The following PCDHA12 variants were observed in gnomAD, a reference collection of about 807,000 sequenced individuals.
PCDHA12 encodes protocadherin alpha 12.
A neutral mutation model predicts 60.0 loss-of-function variants in PCDHA12; 44 were observed. The observed-to-expected ratio is 0.73, with a 90% CI of 0.58 to 0.94. The LOEUF (loss-of-function observed/expected upper bound fraction) is 0.94. PCDHA12 is among the 40% of genes least tolerant of loss of function. The probability of loss-of-function intolerance (pLI) is 0.00; values close to 1 mark genes in which losing one functional copy is unlikely to be tolerated. For missense variants in PCDHA12, 1,276 were observed against 1,239.7 expected, an observed-to-expected ratio of 1.03 and a Z score of -0.44; for synonymous variants, 569 against 553.0, an observed-to-expected ratio of 1.03 and a Z score of -0.40.
At chr5:140,995,687 G>C (rs983290111) in intron 3 of PCDHA12, among the ~76,000 whole-genome samples, 3 of 152,062 alleles carry the variant, frequency 2.0e-5, no homozygotes, top group Admixed American at 6.5e-5. Context: ...TTTTTTAATT[G>C]TTAAATAAAG....
At chr5:140,900,941 C>T (rs1241522274) in intron 1 of PCDHA12, among the ~76,000 whole-genome samples, 1 of 152,140 alleles carries the variant, frequency 6.6e-6, no homozygotes, top group African/African-American at 2.4e-5. Flanking sequence ...TTTTGATTTG[C>T]ATTTCTCTGA....
intron 1 of PCDHA12, among the ~76,000 whole-genome samples, chr5:140,918,591 A>G (rs1554198702): frequency 6.6e-6 from 1 of 152,238 alleles, no homozygotes; most frequent in African/African-American, 2.4e-5. Context: ...TATATGTTCT[A>G]TAGATGTTGC....
chr5:140,986,572 G>T (rs1587171327), intron 3 of PCDHA12, among the ~76,000 whole-genome samples: 1 of 152,268 alleles, frequency 6.6e-6, no homozygotes, highest in East Asian at 1.9e-4. Context: ...TCTGTTATTG[G>T]TTTTTCCAGC....
intron 1 of PCDHA12, among the ~76,000 whole-genome samples, chr5:140,956,909 A>C (rs1395848380): frequency 2.0e-5 from 3 of 152,198 alleles, no homozygotes; most frequent in African/African-American, 7.2e-5. Context: ...TAAATGTATA[A>C]ACTTTAATCT....
chr5:140,906,252 C>A (rs1376694912), intron 1 of PCDHA12, among the ~76,000 whole-genome samples: 1 of 152,180 alleles, frequency 6.6e-6, no homozygotes, highest in African/African-American at 2.4e-5. Context: ...AACCCATACA[C>A]ACCTCCTGAA....
chr5:140,923,247 T>G (rs1230824523), intron 1 of PCDHA12, among the ~76,000 whole-genome samples: 6 of 152,252 alleles, frequency 3.9e-5, no homozygotes, highest in African/African-American at 1.4e-4. Flanking sequence ...TGAGACCAGC[T>G]GGGCAACATA....
chr5:140,887,632 G>T (rs1554183131), intron 1 of PCDHA12, among the ~76,000 whole-genome samples: 1 of 151,834 alleles, frequency 6.6e-6, no homozygotes, highest in Admixed American at 6.6e-5. Context: ...ATGTTAGTCT[G>T]TTGGGGTTTG....
At chr5:140,970,442 A>G (rs1003756532) in intron 1 of PCDHA12, among the ~76,000 whole-genome samples, 3 of 152,182 alleles carry the variant, frequency 2.0e-5, no homozygotes, top group Non-Finnish European at 4.4e-5. Flanking sequence ...TAGTATATGC[A>G]CTAGTTTTGA....
At chr5:140,953,580 A>G (rs1053710021) in intron 1 of PCDHA12, among the ~76,000 whole-genome samples, 23 of 151,934 alleles carry the variant, frequency 1.5e-4, no homozygotes, top group Non-Finnish European at 2.4e-4. Context: ...CTCTCCCAAA[A>G]CTGCCTCCTT....
intron 1 of PCDHA12, among the ~76,000 whole-genome samples, chr5:140,896,091 G>A (rs1353012571): frequency 2.0e-5 from 3 of 152,104 alleles, no homozygotes; most frequent in African/African-American, 2.4e-5. Flanking sequence ...GATTACAGGC[G>A]TGAGCCACTG....
chr5:140,997,380 C>T (rs1554255860), intron 3 of PCDHA12, among the ~76,000 whole-genome samples: 1 of 152,112 alleles, frequency 6.6e-6, no homozygotes. Flanking sequence ...ATATAGCATA[C>T]TACACACTTA....
intron 1 of PCDHA12, among the ~76,000 whole-genome samples, chr5:140,914,464 A>T (rs923814955): frequency 5.9e-5 from 9 of 152,130 alleles, no homozygotes; most frequent in Non-Finnish European, 1.3e-4. Flanking sequence ...GTCTATGTGT[A>T]TCTTCATAGG....
intron 1 of PCDHA12, among the ~76,000 whole-genome samples, chr5:140,930,720 A>T (rs574022781): frequency 5.3e-5 from 8 of 152,226 alleles, no homozygotes; most frequent in Non-Finnish European, 8.8e-5. Flanking sequence ...TCAAGTAATG[A>T]TGTTAACTGC....
chr5:140,928,852 G>T, intron 1 of PCDHA12: 1 of 1,614,172 alleles, frequency 6.2e-7, no homozygotes, highest in Non-Finnish European at 8.5e-7. Flanking sequence ...CACTCTGGGT[G>T]TGCTGTTGAG....
chr5:140,972,829 A>G (rs1554234573), intron 1 of PCDHA12, among the ~76,000 whole-genome samples: 1 of 151,808 alleles, frequency 6.6e-6, no homozygotes, highest in Non-Finnish European at 1.5e-5. Flanking sequence ...ACGCCTGGCT[A>G]ATTTTTGTAT....
chr5:140,965,672 A>G (rs1586083629), intron 1 of PCDHA12, among the ~76,000 whole-genome samples: 1 of 152,360 alleles, frequency 6.6e-6, no homozygotes, highest in South Asian at 2.1e-4. Context: ...TGATAAATGT[A>G]AAAGATTTGA....
intron 1 of PCDHA12, chr5:140,966,542 G>A (rs926112867): frequency 3.7e-5 from 17 of 464,420 alleles, no homozygotes; most frequent in African/African-American, 1.8e-4. Flanking sequence ...GAGCGACTCG[G>A]AGGCGAGCGG....
chr5:140,929,566 C>A, intron 1 of PCDHA12: 2 of 459,566 alleles, frequency 4.4e-6, no homozygotes, highest in Admixed American at 4.2e-5. Flanking sequence ...TATTTAAGAA[C>A]AATAAAAGTA....
intron 3 of PCDHA12, among the ~76,000 whole-genome samples, chr5:140,982,814 A>G (rs1166333981): frequency 6.6e-6 from 1 of 151,580 alleles, no homozygotes; most frequent in Non-Finnish European, 1.5e-5. Context: ...TGTGTGTATG[A>G]AGTTTTTGGG....
Sources: gnomAD v4.1 joint callset for allele counts (sites outside exome capture counted in the v4.1 genomes callset) on GRCh38, gnomAD v4.1.1 for gene constraint, MANE v1.5 for transcripts, NCBI Gene and HGNC (gene_info 2026-07-23, HGNC 2026-07-21) for gene names.